Variants in TNFRSF10D observed in about 807,000 individuals in gnomAD.
The protein encoded by TNFRSF10D is TNF receptor superfamily member 10d, also known as tumor necrosis factor receptor superfamily member 10D.
In TNFRSF10D, 28 loss-of-function variants were observed where a neutral mutation model predicts 42.1. That is an observed-to-expected ratio of 0.66 (90% CI 0.49 to 0.91). The LOEUF is 0.91. Ranked by LOEUF, TNFRSF10D falls within the 40% of genes least tolerant of loss-of-function variation. The probability of loss-of-function intolerance (pLI) is 0.00; values close to 1 mark genes in which losing one functional copy is unlikely to be tolerated. For missense variants in TNFRSF10D, 503 were observed against 486.1 expected, an observed-to-expected ratio of 1.03 and a Z score of -0.33; for synonymous variants, 186 against 189.4, an observed-to-expected ratio of 0.98 and a Z score of 0.15.
At chr8:23,151,973 C>T (rs191746653) in intron 2 of TNFRSF10D, among the ~76,000 whole-genome samples, 319 of 151,178 alleles carry the variant, frequency 2.1e-3, no homozygotes, top group African/African-American at 6.5e-3. Flanking sequence ...TTATTTGTCC[C>T]GGTGGACTGT....
In TNFRSF10D at chr8:23,136,454, A is replaced by G. The variant is rs577517275; in HGVS notation, c.*1416T>C. ...AGACCACCAGAAGCGAGAGGGGCCC[A>G]TCCATGCCTGAGTCGGCAACCATTT... On this transcript the variant is annotated 3_prime_UTR_variant, in exon 9 of 9. Transcript: ENST00000312584. 41 of 172,306 alleles carry G rather than the reference A, an allele frequency of 2.4e-4. No individual in the cohort carries two copies. Among genetic ancestry groups the G allele is most frequent in the East Asian group, 1.8e-3 (10 of 5,440 alleles). The allele number at this position is 172,306 out of a possible 1,614,324, so 10.7% of individuals were successfully genotyped here.
intron 6 of TNFRSF10D, among the ~76,000 whole-genome samples, chr8:23,144,845 C>A (rs112608156): frequency 0.011 from 1,609 of 152,184 alleles, 7 homozygotes; most frequent in African/African-American, 0.037. Flanking sequence ...GTCACCGAGG[C>A]TGCAGGAAGG....
At position 23,144,435 on chromosome 8, in the gene TNFRSF10D, C is replaced by T. The variant is rs186496172; in HGVS notation, c.954+15G>A. 692 of 1,611,242 alleles carry T rather than the reference C, an allele frequency of 4.3e-4. No individual in the cohort carries two copies. Among genetic ancestry groups the T allele is most frequent in the Admixed American group, 6.3e-4 (38 of 59,890 alleles). ...GGCTGCACGCCAGGCAGGGCACAGTCCCTCCTCAACTCACCAGCAGACGCT... is the reference window on the plus strand; with the variant it reads ...GGCTGCACGCCAGGCAGGGCACAGTTCCTCCTCAACTCACCAGCAGACGCT... On this transcript the variant is annotated intron_variant, in intron 7 of 8. Transcript: ENST00000312584.
Position 23,145,916 on chromosome 8 carries a change from G to A in TNFRSF10D, c.488C>T (p.Pro163Leu). ...EMCRTCRTGC[P>L]RGMVKVSNCT... is the part of the protein sequence containing the mutation. ...ATTACTGACCTTGACCATCCCTCTG[G>A]GACACCTGGGTACACACAGAGAGGG... Residue 163 changes from proline to leucine, a missense_variant, in exon 5 of 9, where the codon CCC (proline) becomes CTC (leucine). Pro to Leu is a moderately conservative substitution (Grantham distance 98). Transcript: ENST00000312584. 6.2e-7 allele frequency: 1 copy of A among 1,614,082 alleles called. No homozygotes were observed. Among genetic ancestry groups the A allele is most frequent in the Non-Finnish European group, 8.5e-7 (1 of 1,180,006 alleles).
intron 1 of TNFRSF10D, among the ~76,000 whole-genome samples, chr8:23,163,163 GATCT>G (rs926881105): frequency 7.4e-6 from 1 of 134,894 alleles, no homozygotes; most frequent in Non-Finnish European, 1.5e-5. Context: ...GCGATGGCGC[GATCT>G]CGGCTCACTG....
At chr8:23,148,959 G>A (rs1374805437) in intron 2 of TNFRSF10D, among the ~76,000 whole-genome samples, 1 of 151,642 alleles carries the variant, frequency 6.6e-6, no homozygotes, top group Non-Finnish European at 1.5e-5. Flanking sequence ...GGGAGGCCAA[G>A]GCGGACGAAT....
chr8:23,141,717 A>G (rs1800022561), intron 7 of TNFRSF10D, among the ~76,000 whole-genome samples: 1 of 151,840 alleles, frequency 6.6e-6, no homozygotes. Flanking sequence ...ATATGAAAAA[A>G]TGCTCATCAT....
chr8:23,162,718 T>A (rs545171159), intron 1 of TNFRSF10D, among the ~76,000 whole-genome samples: 1 of 152,292 alleles, frequency 6.6e-6, no homozygotes, highest in South Asian at 2.1e-4. Flanking sequence ...GTCCTGCCTA[T>A]GGGATACAGA....
At chr8:23,139,638 G>A (rs1450335058) in intron 7 of TNFRSF10D, among the ~76,000 whole-genome samples, 1 of 152,078 alleles carries the variant, frequency 6.6e-6, no homozygotes, top group Non-Finnish European at 1.5e-5. Context: ...GGATGCTCAC[G>A]CTCACCACTC....
intron 2 of TNFRSF10D, among the ~76,000 whole-genome samples, chr8:23,154,462 G>C (rs977903022): frequency 6.6e-6 from 1 of 152,130 alleles, no homozygotes; most frequent in African/African-American, 2.4e-5. Context: ...TCATTTCTAG[G>C]TTACTTGTAA....
rs906805046 is a variant in TNFRSF10D, at chr8:23,135,858, C to T, written c.*2012G>A. On this transcript the variant is annotated 3_prime_UTR_variant, in exon 9 of 9. Coordinates refer to ENST00000312584, the MANE Select transcript of TNFRSF10D (RefSeq NM_003840.5). Reference sequence around the variant, plus strand: ...TGGGACCGGACTGGCTCTCTCTGAGCTTTGAGACCAAGTCTCCTGCACAGA... The same window carrying T: ...TGGGACCGGACTGGCTCTCTCTGAGTTTTGAGACCAAGTCTCCTGCACAGA... The T allele has an allele frequency of 2.2e-6, 1 of 450,448 alleles. No individual in the cohort carries two copies. The highest frequency in any genetic ancestry group is 4.4e-6 in the Non-Finnish European group (1 of 224,862). The allele number at this position is 450,448 out of a possible 1,614,324, so 27.9% of individuals were successfully genotyped here. A position where few individuals can be genotyped will look rare whatever the true frequency, so the allele number is the denominator to read the frequency against.
Position 23,145,054 on chromosome 8 carries a change from T to A in TNFRSF10D, c.768+4A>T. 1 of 1,613,994 alleles carries A rather than the reference T, an allele frequency of 6.2e-7. No homozygotes were observed. Among genetic ancestry groups the A allele is most frequent in the South Asian group, 1.1e-5 (1 of 91,082 alleles). ...GCCCCCAGTTTCTGGAGAAACCAAC[T>A]CACTCTGTGCACACGTTCGGGACCT... On this transcript the variant is annotated splice_donor_region_variant and intron_variant, in intron 6 of 8. Transcript: ENST00000312584.
intron 2 of TNFRSF10D, among the ~76,000 whole-genome samples, chr8:23,149,675 G>A (rs186005235): frequency 5.6e-3 from 856 of 151,612 alleles, no homozygotes; most frequent in African/African-American, 0.017. Context: ...GTCTCTGCTC[G>A]GTATCCCCCA....
chr8:23,161,414 C>T (rs1419570909), intron 1 of TNFRSF10D, among the ~76,000 whole-genome samples: 1 of 152,224 alleles, frequency 6.6e-6, no homozygotes, highest in Non-Finnish European at 1.5e-5. Flanking sequence ...CTGACAGAGC[C>T]AGGACCTGGG....
Position 23,137,900 on chromosome 8 carries a change from ATCT to A in TNFRSF10D, c.1128_1130del (p.Glu376del). 1 of 1,614,170 alleles carries A rather than the reference ATCT, an allele frequency of 6.2e-7. No individual in the cohort carries two copies. Among genetic ancestry groups the A allele is most frequent in the African/African-American group, 1.3e-5 (1 of 75,056 alleles). ...GGCAGGACGTAGCAGAGCCTGCCTCATCTTCTTCATAAAAGAGCTTTTCGGAGC... is the reference window on the plus strand; with the variant it reads ...GGCAGGACGTAGCAGAGCCTGCCTCATCTTCATAAAAGAGCTTTTCGGAGC... On this transcript the variant is annotated inframe_deletion, in exon 9 of 9. Transcript: ENST00000312584.
Position 23,137,805 on chromosome 8 carries a change from A to C in TNFRSF10D, c.*65T>G, listed in dbSNP as rs889179007. On this transcript the variant is annotated 3_prime_UTR_variant, in exon 9 of 9. Transcript: ENST00000312584. Reference sequence around the variant, plus strand: ...GGTCAAGTACTGGACTGTTTCTTCCAGGCTGCTTCCCTTTGTAGGAGAAAA... The same window carrying C: ...GGTCAAGTACTGGACTGTTTCTTCCCGGCTGCTTCCCTTTGTAGGAGAAAA... 6.4e-7 allele frequency: 1 copy of C among 1,563,974 alleles called. No individual in the cohort carries two copies. The highest frequency in any genetic ancestry group is 2.2e-5 in the East Asian group (1 of 44,742).
At chr8:23,155,612 G>A (rs1376437627) in intron 1 of TNFRSF10D, among the ~76,000 whole-genome samples, 2 of 151,844 alleles carry the variant, frequency 1.3e-5, no homozygotes, top group Non-Finnish European at 1.5e-5. Context: ...CCAGCTACTT[G>A]GGAGGCTGAG....
chr8:23,148,657 A>G lies in TNFRSF10D; in HGVS notation c.257-106T>C, dbSNP rs141752925. On this transcript the variant is annotated intron_variant, in intron 2 of 8. Transcript: ENST00000312584. ...GGCCCTCAGTGGAATCCAGACAGAG[A>G]AATCTGCTCTTCTTGGCTTGGTCTT... 1,787 of 770,638 alleles carry G rather than the reference A, an allele frequency of 2.3e-3. 50 individuals are homozygous for G. In the East Asian group the frequency reaches 0.044, roughly 19 times the overall value. The allele number at this position is 770,638 out of a possible 1,614,324, so 47.7% of individuals were successfully genotyped here.
intron 7 of TNFRSF10D, among the ~76,000 whole-genome samples, chr8:23,139,275 C>T (rs557686240): frequency 1.3e-5 from 2 of 152,104 alleles, no homozygotes; most frequent in South Asian, 2.1e-4. Flanking sequence ...CAATAAAATA[C>T]TTGACACCAA....
Sources: allele counts gnomAD v4.1 joint callset (sites outside exome capture counted in the v4.1 genomes callset), GRCh38; gene constraint gnomAD v4.1.1; transcripts MANE v1.5; gene names NCBI Gene and HGNC (gene_info 2026-07-23, HGNC 2026-07-21).